MTX2: variants seen among roughly 807,000 people sequenced by gnomAD.
MTX2 encodes metaxin-2.
Under a neutral mutation model 42.3 loss-of-function variants are expected in MTX2, and 35 were observed. That is an observed-to-expected ratio of 0.83 (90% CI 0.63 to 1.10). The LOEUF (loss-of-function observed/expected upper bound fraction) is 1.10. Ranked by LOEUF, MTX2 falls within the 50% of genes least tolerant of loss-of-function variation. The probability of loss-of-function intolerance (pLI) is 0.00; values close to 1 mark genes in which losing one functional copy is unlikely to be tolerated. For missense variants in MTX2, 307 were observed against 304.1 expected, an observed-to-expected ratio of 1.01 and a Z score of -0.07; for synonymous variants, 119 against 100.9, an observed-to-expected ratio of 1.18 and a Z score of -1.08.
At chr2:176,284,265 T>C (rs1303629210) in intron 1 of MTX2, among the ~76,000 whole-genome samples, 1 of 152,154 alleles carries the variant, frequency 6.6e-6, no homozygotes, top group Non-Finnish European at 1.5e-5. Context: ...ATTTTTATAA[T>C]GGATCAAAGT....
At chr2:176,295,984 G>T (rs965508550) in intron 1 of MTX2, among the ~76,000 whole-genome samples, 1 of 152,104 alleles carries the variant, frequency 6.6e-6, no homozygotes, top group African/African-American at 2.4e-5. Flanking sequence ...ATGTTTTATG[G>T]CTTTTACAAA....
At chr2:176,307,099 G>A (rs559795614) in intron 3 of MTX2, among the ~76,000 whole-genome samples, 15 of 152,150 alleles carry the variant, frequency 9.9e-5, no homozygotes, top group Non-Finnish European at 1.3e-4. Context: ...GTGTAAGGAA[G>A]GGATCCAGTT....
intron 2 of MTX2, among the ~76,000 whole-genome samples, 187 bp downstream of exon 2, chr2:176,297,094 A>G (rs1019919761): frequency 1.3e-5 from 2 of 152,104 alleles, no homozygotes; most frequent in African/African-American, 4.8e-5. Context: ...CATGGCCTAT[A>G]AGGTCCTTAG....
At chr2:176,309,360 T>C (rs1189582477) in intron 3 of MTX2, among the ~76,000 whole-genome samples, 1 of 152,232 alleles carries the variant, frequency 6.6e-6, no homozygotes, top group Non-Finnish European at 1.5e-5. Context: ...GAGAAGAATG[T>C]ATATTCTGTT....
chr2:176,311,859 G>T (rs1486689117), intron 3 of MTX2, among the ~76,000 whole-genome samples: 1 of 152,118 alleles, frequency 6.6e-6, no homozygotes, highest in Admixed American at 6.5e-5. Flanking sequence ...GCGCTTCCTG[G>T]GTGAGGCAGT....
chr2:176,319,580 G>GT (rs1210851679), intron 3 of MTX2, among the ~76,000 whole-genome samples: 2 of 150,922 alleles, frequency 1.3e-5, no homozygotes, highest in East Asian at 2.0e-4. Context: ...GTTTTGTTTT[G>GT]TTTTTTGTTT....
In MTX2 at chr2:176,337,633, T is replaced by G; in HGVS notation, c.761T>G (p.Phe254Cys). Residue 254 changes from phenylalanine to cysteine, a missense_variant, in exon 10 of 10, where the codon TTT becomes TGT. Phe to Cys is a radical substitution (Grantham distance 205). Transcript: ENST00000249442. ...AFCRRIEQHY[F>C]EDRGKGRLS ...TGTAGGAGAATTGAACAGCACTATT[T>G]TGAAGATCGTGGTAAAGGCAGGCTG... is the stretch of plus-strand genomic sequence containing the variant. The G allele has an allele frequency of 1.2e-6, 2 of 1,611,114 alleles. No homozygotes were observed. Among genetic ancestry groups the G allele is most frequent in the Non-Finnish European group, 1.7e-6 (2 of 1,178,592 alleles).
rs951192848 is a variant in MTX2 at position 176,272,938 on chromosome 2, G to T, written c.40+3269G>T. 8.5e-5 allele frequency among the ~76,000 whole-genome samples: 13 copies of T among 152,086 alleles called. No homozygotes were observed. In the East Asian group the frequency reaches 2.5e-3, roughly 29 times the overall value. On this transcript the variant is annotated intron_variant, in intron 1 of 9. Transcript: ENST00000249442. Reference sequence around the variant, plus strand: ...AGGCTGCCTTAATCTGTTTTGTGTTGCTATAACAGAATACCACAGACTAGG... The same window carrying T: ...AGGCTGCCTTAATCTGTTTTGTGTTTCTATAACAGAATACCACAGACTAGG...
intron 3 of MTX2, among the ~76,000 whole-genome samples, chr2:176,302,842 A>G (rs961288629): frequency 2.6e-5 from 4 of 152,156 alleles, no homozygotes; most frequent in African/African-American, 9.7e-5. Context: ...CCTTTTAGCA[A>G]ATGATGCTTT....
intron 1 of MTX2, among the ~76,000 whole-genome samples, chr2:176,291,530 G>A (rs924793811): frequency 6.6e-6 from 1 of 152,144 alleles, no homozygotes; most frequent in Admixed American, 6.5e-5. Flanking sequence ...GACGGGGAGT[G>A]CATGCTGTAA....
At chr2:176,304,138 A>G (rs1014098973) in intron 3 of MTX2, 4 of 154,434 alleles carry the variant, frequency 2.6e-5, no homozygotes, top group Non-Finnish European at 4.4e-5. Context: ...GAGGCCATAC[A>G]CTACCCTGTG....
At chr2:176,270,908 A>G (rs570358469) in intron 1 of MTX2, among the ~76,000 whole-genome samples, 3 of 152,082 alleles carry the variant, frequency 2.0e-5, no homozygotes, top group Non-Finnish European at 2.9e-5. Flanking sequence ...TGCTTTTACC[A>G]TTTATGTTGA....
rs1684714732 is a variant in MTX2 at position 176,326,705 on chromosome 2, T to C, written c.209-120T>C. The C allele has an allele frequency of 9.4e-6, 6 of 637,348 alleles. No homozygotes were observed. In the Middle Eastern group the frequency reaches 2.8e-3, roughly 296 times the overall value. 39.5% of individuals were successfully genotyped at this position (637,348 alleles called of 1,614,324 possible). A position where few individuals can be genotyped will look rare whatever the true frequency, so the allele number is the denominator to read the frequency against. ...CACATCTGACAAAAATTTTCAAAAG[T>C]TACAGTTTTATGAAATCCCTATTTA... On this transcript the variant is annotated intron_variant, in intron 4 of 9. Coordinates refer to ENST00000249442, the MANE Select transcript of MTX2 (RefSeq NM_006554.5).
At chr2:176,331,009 A>G (rs981094085) in intron 9 of MTX2, among the ~76,000 whole-genome samples, 2 of 151,178 alleles carry the variant, frequency 1.3e-5, no homozygotes, top group Non-Finnish European at 1.5e-5. Flanking sequence ...GTAAGTTACT[A>G]TTAATGTAAC....
At chr2:176,274,886 G>A (rs906981082) in intron 1 of MTX2, among the ~76,000 whole-genome samples, 2 of 152,210 alleles carry the variant, frequency 1.3e-5, no homozygotes, top group Admixed American at 1.3e-4. Flanking sequence ...AAAGCTAGGA[G>A]GAAGTGTGTG....
Position 176,330,670 on chromosome 2 carries a change from T to A in MTX2, c.620+10T>A, listed in dbSNP as rs1399673718. On this transcript the variant is annotated intron_variant, in intron 9 of 9. Transcript: ENST00000249442. ...ATTTCTTCAATAAGCAGTAAGAAAT[T>A]TTACTTTTTTAAAGTTAATTTTCTG... The A allele has an allele frequency of 1.9e-6, 3 of 1,578,702 alleles. No homozygotes were observed. Among genetic ancestry groups the A allele is most frequent in the Non-Finnish European group, 2.6e-6 (3 of 1,158,240 alleles).
chr2:176,295,371 A>G lies in MTX2; in HGVS notation c.41-1489A>G, dbSNP rs912577221. ...AAGGTTATTTTTTGAGTAATTGGCT[A>G]ATGTCAGCTTGTTTTTGTTTCCTTT... is the stretch of plus-strand genomic sequence containing the variant. On this transcript the variant is annotated intron_variant, in intron 1 of 9. Transcript: ENST00000249442. Among the ~76,000 whole-genome samples, 3 of 152,102 alleles carry G rather than the reference A, an allele frequency of 2.0e-5. 1 individual carries two copies. In the Middle Eastern group the frequency reaches 0.01, roughly 521 times the overall value.
In MTX2 at chr2:176,269,473, G is replaced by C. The variant is rs1692738883; in HGVS notation, c.-157G>C. ...AGCCAGGCCTGGCGGTAACCTTGGGGGCCTCACTGCAGCCGCCGCTGCTGT... is the reference window on the plus strand; with the variant it reads ...AGCCAGGCCTGGCGGTAACCTTGGGCGCCTCACTGCAGCCGCCGCTGCTGT... On this transcript the variant is annotated 5_prime_UTR_variant, in exon 1 of 10. Coordinates refer to ENST00000249442, the MANE Select transcript of MTX2 (RefSeq NM_006554.5). 16 of 766,870 alleles carry C rather than the reference G, an allele frequency of 2.1e-5. No homozygotes were observed. The highest frequency in any genetic ancestry group is 3.1e-5 in the Non-Finnish European group (16 of 509,710). 47.5% of individuals were successfully genotyped at this position (766,870 alleles called of 1,614,324 possible).
intron 5 of MTX2, 124 bp downstream of exon 5, chr2:176,327,025 A>C: frequency 1.9e-6 from 1 of 520,492 alleles, no homozygotes; most frequent in Non-Finnish European, 3.3e-6. Flanking sequence ...CTACTGGAAA[A>C]TATTTCTGAA....
Sources: allele counts gnomAD v4.1 joint callset (sites outside exome capture counted in the v4.1 genomes callset), GRCh38; gene constraint gnomAD v4.1.1; transcripts MANE v1.5; gene names NCBI Gene and HGNC (gene_info 2026-07-23, HGNC 2026-07-21).